Variants in PDE12 observed in about 807,000 individuals in gnomAD.
PDE12 encodes the protein 2',5'-phosphodiesterase 12.
Under a neutral mutation model 45.4 loss-of-function variants are expected in PDE12, and 26 were observed. That is an observed-to-expected ratio of 0.57 (90% CI 0.42 to 0.79). The LOEUF is 0.79. Ranked by LOEUF, PDE12 falls within the 30% of genes least tolerant of loss-of-function variation. The probability of loss-of-function intolerance (pLI) is 0.00; values close to 1 mark genes in which losing one functional copy is unlikely to be tolerated. For synonymous variants in PDE12, 283 were observed against 323.9 expected (o/e 0.87, Z 1.36); for missense variants, 668 against 790.0 (o/e 0.85, Z 1.85).
the PDE12 span, among the ~76,000 whole-genome samples, chr3:57,594,373 C>T: frequency 1.4e-3 from 218 of 152,294 alleles, no homozygotes; most frequent in African/African-American, 4.9e-3. Flanking sequence ...TAGGCGTGAG[C>T]CACCACACCT....
the PDE12 span, among the ~76,000 whole-genome samples, chr3:57,653,158 GTTGGTT>G: frequency 1.3e-5 from 2 of 152,102 alleles, no homozygotes; most frequent in Admixed American, 6.6e-5. Context: ...CTACTTTTCT[GTTGGTT>G]TGTAAAAATA....
At chr3:57,644,450 T>G in the PDE12 span, among the ~76,000 whole-genome samples, 1 of 151,204 alleles carries the variant, frequency 6.6e-6, no homozygotes, top group Admixed American at 6.6e-5. Flanking sequence ...GGACTACAGA[T>G]GCATGCCACC....
chr3:57,564,598 A>C lies in PDE12; in HGVS notation c.*4594A>C, dbSNP rs998054692. ...ACCATTTGTGTTCCTTATATATTGA[A>C]GATGGTTCAGTAGGGGAAATGGATA... On this transcript the variant is annotated 3_prime_UTR_variant, in exon 3 of 3. Transcript: ENST00000311180. The C allele has an allele frequency of 3.9e-5, 6 of 152,110 alleles. No individual in the cohort carries two copies. Among genetic ancestry groups the C allele is most frequent in the African/African-American group, 1.4e-4 (6 of 41,406 alleles). The allele number at this position is 152,110 out of a possible 1,614,324, so 9.4% of individuals were successfully genotyped here.
In PDE12 at chr3:57,561,500, G is replaced by A; in HGVS notation, c.*1496G>A. 1 of 984,744 alleles carries A rather than the reference G, an allele frequency of 1.0e-6. No homozygotes were observed. Among genetic ancestry groups the A allele is most frequent in the Non-Finnish European group, 1.2e-6 (1 of 829,230 alleles). 61.0% of individuals were successfully genotyped at this position (984,744 alleles called of 1,614,324 possible). A position where few individuals can be genotyped will look rare whatever the true frequency, so the allele number is the denominator to read the frequency against. On this transcript the variant is annotated 3_prime_UTR_variant, in exon 3 of 3. Coordinates refer to ENST00000311180, the MANE Select transcript of PDE12 (RefSeq NM_177966.7). ...ATTAGAAACTACAAATGGTTATACTGATTAGTGTCTAGCCTAGAGTGGTAA... is the reference window on the plus strand; with the variant it reads ...ATTAGAAACTACAAATGGTTATACTAATTAGTGTCTAGCCTAGAGTGGTAA...
the PDE12 span, among the ~76,000 whole-genome samples, chr3:57,650,252 T>C: frequency 6.6e-6 from 1 of 151,104 alleles, no homozygotes; most frequent in Non-Finnish European, 1.5e-5. Flanking sequence ...AACTTATTCA[T>C]GCAACCAAAC....
chr3:57,651,213 A>G, the PDE12 span, among the ~76,000 whole-genome samples: 17 of 152,242 alleles, frequency 1.1e-4, no homozygotes, highest in African/African-American at 3.9e-4. Context: ...ATGCTCCTCA[A>G]CATATGACAG....
In PDE12 at chr3:57,562,880, T is replaced by G. The variant is rs1322482727; in HGVS notation, c.*2876T>G. On this transcript the variant is annotated 3_prime_UTR_variant, in exon 3 of 3. Transcript: ENST00000311180. ...AAATTTCAAGAATTCCACTGAGTAG[T>G]GATTTTTCTGAGTACTAAGCTATGA... The G allele has an allele frequency of 2.0e-5, 3 of 152,196 alleles. No individual in the cohort carries two copies. The highest frequency in any genetic ancestry group is 4.4e-5 in the Non-Finnish European group (3 of 68,032). The allele number at this position is 152,196 out of a possible 1,614,324, so 9.4% of individuals were successfully genotyped here. A position where few individuals can be genotyped will look rare whatever the true frequency, so the allele number is the denominator to read the frequency against.
the PDE12 span, among the ~76,000 whole-genome samples, chr3:57,642,023 C>A: frequency 6.6e-6 from 1 of 151,996 alleles, no homozygotes; most frequent in South Asian, 2.1e-4. Flanking sequence ...GTTTAAAATG[C>A]ACAACAATTA....
chr3:57,633,945 T>C, the PDE12 span, among the ~76,000 whole-genome samples: 1 of 151,958 alleles, frequency 6.6e-6, no homozygotes, highest in South Asian at 2.1e-4. Context: ...ATATTTGCTA[T>C]ACTATACTAT....
the PDE12 span, chr3:57,628,087 C>T: frequency 7.3e-7 from 1 of 1,379,160 alleles, no homozygotes; most frequent in Admixed American, 2.3e-5. Flanking sequence ...TCTTTCTACC[C>T]TGTAACTAGC....
chr3:57,637,281 G>A, the PDE12 span, among the ~76,000 whole-genome samples: 798 of 152,274 alleles, frequency 5.2e-3, 3 homozygotes, highest in Middle Eastern at 0.01. Context: ...TATTAAGACA[G>A]GTTGTTAGCT....
chr3:57,577,823 G>C, the PDE12 span, among the ~76,000 whole-genome samples: 1 of 151,822 alleles, frequency 6.6e-6, no homozygotes, highest in Non-Finnish European at 1.5e-5. Context: ...CAAACGATCA[G>C]GCCTGAAATT....
chr3:57,646,319 A>G, the PDE12 span: 5 of 1,608,990 alleles, frequency 3.1e-6, no homozygotes, highest in African/African-American at 4.0e-5. Flanking sequence ...GACTCACTTA[A>G]CAAGTGCCAA....
chr3:57,557,538 C>G lies in PDE12; in HGVS notation c.1159C>G (p.Arg387Gly), dbSNP rs1302701014. 2.5e-6 allele frequency: 4 copies of G among 1,613,920 alleles called. No homozygotes were observed. The African/African-American group carries it at 5.3e-5, about 22-fold the overall frequency. Residue 387 changes from arginine to glycine, a missense_variant, in exon 1 of 3, where the codon CGA becomes GGA. By Grantham distance (125) the Arg-to-Gly change is moderately radical (BLOSUM62 -2). This residue lies in a region of PDE12 where 580 missense variants were observed against 662.9 expected (regional missense o/e 0.87). Transcript: ENST00000311180. ...KQHEGLATFY[R>G]KSKFSLLSQH... ...GCACGAAGGCCTGGCCACTTTCTAC[C>G]GAAAGTCTAAGTTCAGCCTTCTTAG...
At chr3:57,583,676 C>G in the PDE12 span, among the ~76,000 whole-genome samples, 1 of 152,108 alleles carries the variant, frequency 6.6e-6, no homozygotes, top group African/African-American at 2.4e-5. Context: ...GCACCCACCC[C>G]ATCTTCCAAA....
the PDE12 span, among the ~76,000 whole-genome samples, chr3:57,649,643 T>A: frequency 1.3e-3 from 158 of 125,438 alleles, 1 homozygote; most frequent in African/African-American, 3.3e-3. Context: ...AAAAAAAAAA[T>A]ATATATATAT....
At position 57,560,820 on chromosome 3, in the gene PDE12, G is replaced by C. The variant is rs139987987; in HGVS notation, c.*816G>C. 27 of 985,434 alleles carry C rather than the reference G, an allele frequency of 2.7e-5. 1 individual carries two copies. In the East Asian group the frequency reaches 2.8e-3, roughly 103 times the overall value. The allele number at this position is 985,434 out of a possible 1,614,324, so 61.0% of individuals were successfully genotyped here. The stretch of plus-strand genomic sequence containing the variant: ...AGGTGACCTTAGAGACCTAAGGTGA[G>C]AGACTTGACACATGGAAGGAGTAAC... On this transcript the variant is annotated 3_prime_UTR_variant, in exon 3 of 3. Transcript: ENST00000311180.
chr3:57,573,401 CT>C, the PDE12 span, among the ~76,000 whole-genome samples: 1 of 152,062 alleles, frequency 6.6e-6, no homozygotes, highest in Admixed American at 6.5e-5. Flanking sequence ...GCATAGTTTA[CT>C]TTTATTAATT....
chr3:57,636,458 T>A, the PDE12 span, among the ~76,000 whole-genome samples: 16 of 152,156 alleles, frequency 1.1e-4, no homozygotes, highest in African/African-American at 3.9e-4. Context: ...TAATTACCCG[T>A]ATCAATGAGC....
Sources: gnomAD v4.1 joint callset for allele counts (sites outside exome capture counted in the v4.1 genomes callset) on GRCh38, gnomAD v4.1.1 for gene constraint, gnomAD v4.1.1 regional missense constraint, MANE v1.5 for transcripts, NCBI Gene and HGNC (gene_info 2026-07-23, HGNC 2026-07-21) for gene names.